The following FGD6 variants were observed in gnomAD, a reference collection of about 807,000 sequenced individuals.
FGD6 encodes FYVE, RhoGEF and PH domain-containing protein 6.
A neutral mutation model predicts 149.4 loss-of-function variants in FGD6; 90 were observed. That is an observed-to-expected ratio of 0.60 (90% CI 0.51 to 0.72). The LOEUF is 0.72. Among genes scored for constraint, FGD6 ranks in the 30% least tolerant of loss-of-function variants. The pLI, the probability that FGD6 is intolerant of heterozygous loss-of-function variation, is 0.00. For synonymous variants in FGD6, 527 were observed against 584.0 expected (o/e 0.90, Z 1.41); for missense variants, 1,437 against 1,684.8 (o/e 0.85, Z 2.57).
At chr12:95,211,458 G>A (rs1160320211) in intron 1 of FGD6, among the ~76,000 whole-genome samples, 191 bp from the exon 2 acceptor site, 1 of 151,398 alleles carries the variant, frequency 6.6e-6, no homozygotes, top group Non-Finnish European at 1.5e-5. Context: ...ATAGCTTTGG[G>A]TCTATTGTAC....
intron 8 of FGD6, among the ~76,000 whole-genome samples, chr12:95,117,765 C>T (rs538258933): frequency 3.3e-5 from 5 of 149,676 alleles, no homozygotes; most frequent in African/African-American, 7.3e-5. Context: ...CCAAGGCCAC[C>T]GGGCGCAGTG....
At chr12:95,102,359 G>A (rs956429234) in intron 14 of FGD6, among the ~76,000 whole-genome samples, 1 of 148,410 alleles carries the variant, frequency 6.7e-6, no homozygotes, top group Non-Finnish European at 1.5e-5. Flanking sequence ...CACAAGGATC[G>A]CTTGAAGCCG....
chr12:95,138,197 C>T (rs1879731613), intron 6 of FGD6, among the ~76,000 whole-genome samples: 1 of 126,840 alleles, frequency 7.9e-6, no homozygotes, highest in Admixed American at 8.1e-5. Flanking sequence ...GAGCAAGATT[C>T]TGTCTCAAAA....
chr12:95,135,648 A>G (rs1399311522), intron 7 of FGD6, among the ~76,000 whole-genome samples: 1 of 152,142 alleles, frequency 6.6e-6, no homozygotes, highest in Non-Finnish European at 1.5e-5. Context: ...GAACTACAAA[A>G]AAGAGTCACG....
At chr12:95,173,201 G>A (rs1356891767) in intron 2 of FGD6, among the ~76,000 whole-genome samples, 4 of 152,150 alleles carry the variant, frequency 2.6e-5, no homozygotes, top group African/African-American at 7.2e-5. Context: ...TAATGGTGAC[G>A]ACAATCAACA....
intron 2 of FGD6, among the ~76,000 whole-genome samples, chr12:95,179,198 C>A (rs1881212281): frequency 6.6e-6 from 1 of 152,068 alleles, no homozygotes. Flanking sequence ...ATGCTACTGA[C>A]TAAAGACATA....
intron 5 of FGD6, among the ~76,000 whole-genome samples, chr12:95,148,728 CAT>C (rs1565908306): frequency 2.0e-4 from 10 of 50,974 alleles, no homozygotes; most frequent in African/African-American, 7.9e-4. Context: ...TGTTATATTA[CAT>C]ATATTATATA....
intron 18 of FGD6, among the ~76,000 whole-genome samples, chr12:95,087,255 G>T (rs1223002383): frequency 6.6e-6 from 1 of 152,114 alleles, no homozygotes; most frequent in Non-Finnish European, 1.5e-5. Context: ...GGCTTCCCAT[G>T]ACCCTTGCTG....
intron 2 of FGD6, among the ~76,000 whole-genome samples, chr12:95,192,196 A>G (rs1881609206): frequency 6.6e-6 from 1 of 152,214 alleles, no homozygotes; most frequent in Non-Finnish European, 1.5e-5. Flanking sequence ...AATTTTTTCA[A>G]TAAGCAGCTT....
chr12:95,149,242 A>T (rs1255835319), intron 5 of FGD6, among the ~76,000 whole-genome samples: 1 of 28,430 alleles, frequency 3.5e-5, no homozygotes, highest in Non-Finnish European at 5.0e-5. Context: ...ATATTATATA[A>T]TATATAGCAT....
chr12:95,204,227 G>C (rs1358217950), intron 2 of FGD6, among the ~76,000 whole-genome samples: 1 of 152,120 alleles, frequency 6.6e-6, no homozygotes, highest in Non-Finnish European at 1.5e-5. Flanking sequence ...GGTTTCTCCA[G>C]CCATGGGAAC....
chr12:95,089,559 A>G lies in FGD6; in HGVS notation c.3978+10T>C, dbSNP rs1224211182. 3 of 1,612,214 alleles carry G rather than the reference A, an allele frequency of 1.9e-6. No homozygotes were observed. Among genetic ancestry groups the G allele is most frequent in the Non-Finnish European group, 2.5e-6 (3 of 1,179,088 alleles). On this transcript the variant is annotated intron_variant, in intron 18 of 20. Coordinates refer to ENST00000343958, the MANE Select transcript of FGD6 (RefSeq NM_018351.4). ...CTCTATCACATTGCAAATTTAATGG[A>G]AACACTTACTTCTTTGAGAGCAGCT...
intron 3 of FGD6, among the ~76,000 whole-genome samples, chr12:95,160,498 G>C (rs897800120): frequency 1.3e-5 from 2 of 152,054 alleles, no homozygotes; most frequent in Admixed American, 6.6e-5. Flanking sequence ...AGCTATGTGA[G>C]GTATGCAAAA....
chr12:95,086,339 T>C (rs1877862106), intron 18 of FGD6, among the ~76,000 whole-genome samples: 1 of 152,134 alleles, frequency 6.6e-6, no homozygotes, highest in Admixed American at 6.6e-5. Flanking sequence ...AAAAACTTTT[T>C]GGACTTCTAA....
chr12:95,184,896 C>T (rs571348419), intron 2 of FGD6, among the ~76,000 whole-genome samples: 101 of 144,760 alleles, frequency 7.0e-4, no homozygotes, highest in Non-Finnish European at 1.1e-3. Flanking sequence ...TTTTTTGAGA[C>T]GGAGTCTCAC....
At chr12:95,141,190 A>G (rs1271821003) in intron 6 of FGD6, among the ~76,000 whole-genome samples, 198 bp downstream of exon 6, 1 of 152,124 alleles carries the variant, frequency 6.6e-6, no homozygotes, top group Non-Finnish European at 1.5e-5. Context: ...GCCACTGCAC[A>G]CCAGCCTGGG....
intron 2 of FGD6, among the ~76,000 whole-genome samples, chr12:95,179,329 C>T (rs1881215464): frequency 6.7e-6 from 1 of 150,106 alleles, no homozygotes; most frequent in African/African-American, 2.4e-5. Context: ...GGGAGAGACC[C>T]CATTTCTATG....
intron 2 of FGD6, among the ~76,000 whole-genome samples, chr12:95,190,928 G>T (rs1342546083): frequency 6.6e-6 from 1 of 152,110 alleles, no homozygotes; most frequent in Non-Finnish European, 1.5e-5. Context: ...ACATTAAAAT[G>T]TCACTAGACC....
chr12:95,095,242 T>C (rs1878196625), intron 14 of FGD6, among the ~76,000 whole-genome samples: 1 of 152,166 alleles, frequency 6.6e-6, no homozygotes, highest in Non-Finnish European at 1.5e-5. Context: ...AAGGCTGCAG[T>C]TTTTGTTAGG....
Sources: allele counts gnomAD v4.1 joint callset (sites outside exome capture counted in the v4.1 genomes callset), GRCh38; gene constraint gnomAD v4.1.1; transcripts MANE v1.5; gene names NCBI Gene and HGNC (gene_info 2026-07-23, HGNC 2026-07-21).